The following PHF3 variants were observed in gnomAD, a reference collection of about 807,000 sequenced individuals.
PHF3 encodes PHD finger protein 3.
PHF3 carries 41 observed loss-of-function variants against 178.4 expected under a neutral mutation model. That is an observed-to-expected ratio of 0.23 (90% CI 0.18 to 0.30). The LOEUF (loss-of-function observed/expected upper bound fraction) is 0.30. Among genes scored for constraint, PHF3 ranks in the 10% least tolerant of loss-of-function variants. The probability of loss-of-function intolerance (pLI) is 1.00; values close to 1 mark genes in which losing one functional copy is unlikely to be tolerated. For missense variants in PHF3, 2,346 were observed against 2,398.1 expected (o/e 0.98, Z 0.45); for synonymous variants, 842 against 800.5 (o/e 1.05, Z -0.88).
chr6:63,656,560 G>T (rs1765243104), intron 2 of PHF3, among the ~76,000 whole-genome samples: 1 of 151,206 alleles, frequency 6.6e-6, no homozygotes, highest in African/African-American at 2.5e-5. Flanking sequence ...TTGGTCTATT[G>T]AATTCATTTT....
At chr6:63,659,994 T>C (rs1765398118) in intron 2 of PHF3, among the ~76,000 whole-genome samples, 1 of 152,204 alleles carries the variant, frequency 6.6e-6, no homozygotes. Flanking sequence ...TTCTCAGATT[T>C]CATTTAGCTT....
At chr6:63,661,722 A>G (rs76875514) in intron 2 of PHF3, among the ~76,000 whole-genome samples, 3,938 of 152,288 alleles carry the variant, frequency 0.026, 84 homozygotes, top group South Asian at 0.089. Flanking sequence ...TGATAAGAAG[A>G]TGAGTTATAT....
At chr6:63,644,806 G>A (rs1456762938) in intron 1 of PHF3, among the ~76,000 whole-genome samples, 3 of 151,566 alleles carry the variant, frequency 2.0e-5, no homozygotes, top group East Asian at 3.9e-4. Flanking sequence ...GGACATTTCC[G>A]TCATCTCTCA....
intron 4 of PHF3, among the ~76,000 whole-genome samples, chr6:63,690,609 TG>T (rs1489539724): frequency 6.6e-6 from 1 of 152,152 alleles, no homozygotes; most frequent in African/African-American, 2.4e-5. Flanking sequence ...TTGGTACTAT[TG>T]GTGGTGCCAC....
chr6:63,718,045 G>T lies in PHF3; in HGVS notation c.*4337G>T, dbSNP rs1768240879. On this transcript the variant is annotated 3_prime_UTR_variant, in exon 16 of 16. Transcript: ENST00000262043. ...CGTCAACACCATTATCACCAGGATA[G>T]CAAAAATAGGAAGCGGGAATAGTGT... Among the ~76,000 whole-genome samples the T allele has an allele frequency of 6.6e-6, 1 of 152,014 alleles. No homozygotes were observed. The highest frequency in any genetic ancestry group is 2.4e-5 in the African/African-American group (1 of 41,426).
chr6:63,697,063 G>A (rs67674014), intron 6 of PHF3, among the ~76,000 whole-genome samples: 23,663 of 151,932 alleles, frequency 0.16, 2,205 homozygotes, highest in African/African-American at 0.26. Flanking sequence ...AGAAAGAGAC[G>A]GCTAGAGAGA....
chr6:63,688,898 A>T (rs544866023), intron 4 of PHF3, among the ~76,000 whole-genome samples: 85 of 152,360 alleles, frequency 5.6e-4, no homozygotes, highest in African/African-American at 2.0e-3. Flanking sequence ...CATTTGCAAC[A>T]GCTTTGCCTC....
Position 63,717,442 on chromosome 6 carries a change from CTT to C in PHF3, c.*3735_*3736del, listed in dbSNP as rs1353378749. ...TACACAATCAGGTTTATTTCTGTCT[CTT>C]AAAGCAAATTGCAAATAAAATTGGT... On this transcript the variant is annotated 3_prime_UTR_variant, in exon 16 of 16. Transcript: ENST00000262043. Among the ~76,000 whole-genome samples, 1 of 152,026 alleles carries C rather than the reference CTT, an allele frequency of 6.6e-6. No homozygotes were observed. Among genetic ancestry groups the C allele is most frequent in the African/African-American group, 2.4e-5 (1 of 41,430 alleles).
At position 63,723,912 on chromosome 6, in the gene PHF3, C is replaced by G. The variant is rs1389266046; in HGVS notation, c.*10204C>G. 6.6e-6 allele frequency among the ~76,000 whole-genome samples: 1 copy of G among 151,662 alleles called. No individual in the cohort carries two copies. On this transcript the variant is annotated 3_prime_UTR_variant, in exon 16 of 16. Transcript: ENST00000262043. The stretch of plus-strand genomic sequence containing the variant: ...TCTCGGCTCACTGCAACCTCCATCT[C>G]CCGGGCTGCCTCAGTTTCCCGAGTA...
chr6:63,685,839 C>T lies in PHF3; in HGVS notation c.2117C>T (p.Ser706Phe), dbSNP rs746974769. Residue 706 changes from serine (S) to phenylalanine (F), a missense_variant, in exon 4 of 16, where the codon TCC becomes TTC. Transcript: ENST00000262043. Reference protein sequence around the residue: ...TIRREGSDHSSSFESKYMWTP... With the variant: ...TIRREGSDHSFSFESKYMWTP... ...AGAAGAGAAGGCTCTGATCATAGCT[C>T]CTCATTTGAAAGCAAATATATGTGG... 25 of 1,613,638 alleles carry T rather than the reference C, an allele frequency of 1.5e-5. No homozygotes were observed. Among genetic ancestry groups the T allele is most frequent in the Middle Eastern group, 1.6e-4 (1 of 6,062 alleles).
In PHF3 at chr6:63,722,396, G is replaced by C. The variant is rs2149626504; in HGVS notation, c.*8688G>C. Reference sequence around the variant, plus strand: ...TCCTTGATTTCCCAGAGCTGGTCAGGAATTTTTTTCTGTCAGTGCCTTAAT... The same window carrying C: ...TCCTTGATTTCCCAGAGCTGGTCAGCAATTTTTTTCTGTCAGTGCCTTAAT... On this transcript the variant is annotated 3_prime_UTR_variant, in exon 16 of 16. Coordinates refer to ENST00000262043, the MANE Select transcript of PHF3 (RefSeq NM_001370348.2). Among the ~76,000 whole-genome samples the C allele has an allele frequency of 6.6e-6, 1 of 152,186 alleles. No homozygotes were observed. The highest frequency in any genetic ancestry group is 1.5e-5 in the Non-Finnish European group (1 of 68,000).
chr6:63,681,519 G>T (rs1013584045), intron 3 of PHF3, among the ~76,000 whole-genome samples: 2 of 151,244 alleles, frequency 1.3e-5, no homozygotes, highest in African/African-American at 4.9e-5. Flanking sequence ...TTTCTTTAAC[G>T]TGCTTAAATT....
chr6:63,684,863 A>C lies in PHF3; in HGVS notation c.1141A>C (p.Met381Leu). ...TECNLELKDTMGIADKTENTL... is the reference protein window; with the variant it reads ...TECNLELKDTLGIADKTENTL... ...ATGTAATTTGGAATTGAAGGATACC[A>C]TGGGTATTGCTGATAAAACTGAGAA... is the stretch of plus-strand genomic sequence containing the variant. The change falls in exon 4 of 16, where the codon ATG (methionine) becomes CTG (leucine). Residue 381 changes from methionine to leucine, a missense_variant. Coordinates refer to ENST00000262043, the MANE Select transcript of PHF3 (RefSeq NM_001370348.2). The C allele has an allele frequency of 6.2e-7, 1 of 1,614,050 alleles. No homozygotes were observed. The highest frequency in any genetic ancestry group is 8.5e-7 in the Non-Finnish European group (1 of 1,179,914).
At chr6:63,682,114 C>G (rs916569410) in intron 3 of PHF3, among the ~76,000 whole-genome samples, 1 of 152,088 alleles carries the variant, frequency 6.6e-6, no homozygotes, top group Non-Finnish European at 1.5e-5. Context: ...GTTCTTTAGC[C>G]TAGAAACCTT....
chr6:63,708,248 A>G (rs529028286), intron 13 of PHF3, among the ~76,000 whole-genome samples: 22 of 152,314 alleles, frequency 1.4e-4, no homozygotes, highest in African/African-American at 5.3e-4. Flanking sequence ...TGAGCTTTAT[A>G]AGAGAAAAAT....
intron 2 of PHF3, among the ~76,000 whole-genome samples, chr6:63,661,467 A>T (rs1248634043): frequency 6.6e-6 from 1 of 152,226 alleles, no homozygotes; most frequent in Non-Finnish European, 1.5e-5. Flanking sequence ...AGTATCTAGG[A>T]AAAGGAAAAT....
chr6:63,694,539 T>G (rs1767148470), intron 5 of PHF3, 42 bp from the exon 6 acceptor site: 1 of 1,307,960 alleles, frequency 7.6e-7, no homozygotes, highest in Non-Finnish European at 1.0e-6. Flanking sequence ...CAAAGATTGT[T>G]TAGTTATTTT....
In PHF3 at chr6:63,724,984, C is replaced by G. The variant is rs1338397126; in HGVS notation, c.*11276C>G. Among the ~76,000 whole-genome samples, 1 of 151,974 alleles carries G rather than the reference C, an allele frequency of 6.6e-6. No homozygotes were observed. Among genetic ancestry groups the G allele is most frequent in the Non-Finnish European group, 1.5e-5 (1 of 67,942 alleles). ...GGACTGTCAGCTGCATTTTCTGCAA[C>G]CTTAAATAAATGAGAGACTTCAAAT... On this transcript the variant is annotated 3_prime_UTR_variant, in exon 16 of 16. Transcript: ENST00000262043.
chr6:63,648,044 A>G (rs1764864689), intron 2 of PHF3, among the ~76,000 whole-genome samples: 1 of 152,168 alleles, frequency 6.6e-6, no homozygotes, highest in African/African-American at 2.4e-5. Context: ...TTGGCCCTTA[A>G]GTTTGCCAGG....
Sources: gnomAD v4.1 joint callset for allele counts (sites outside exome capture counted in the v4.1 genomes callset) on GRCh38, gnomAD v4.1.1 for gene constraint, MANE v1.5 for transcripts, NCBI Gene and HGNC (gene_info 2026-07-23, HGNC 2026-07-21) for gene names.